The following LAMA4 variants were observed in gnomAD, a reference collection of about 807,000 sequenced individuals.
The protein encoded by LAMA4 is laminin subunit alpha 4.
LAMA4 carries 127 observed loss-of-function variants against 207.1 expected under a neutral mutation model. The observed-to-expected ratio is 0.61, with a 90% CI of 0.53 to 0.71. The LOEUF is 0.71. Among genes scored for constraint, LAMA4 ranks in the 30% least tolerant of loss-of-function variants. The pLI is 0.00. For missense variants in LAMA4, 2,093 were observed against 2,246.5 expected, an observed-to-expected ratio of 0.93 and a Z score of 1.38; for synonymous variants, 761 against 816.0, an observed-to-expected ratio of 0.93 and a Z score of 1.15.
intron 8 of LAMA4, chr6:112,187,195 T>G (rs570125382): frequency 2.3e-5 from 13 of 569,350 alleles, no homozygotes; most frequent in Non-Finnish European, 4.1e-5. Flanking sequence ...TAGATACTAG[T>G]CTTTTAGTCA....
chr6:112,185,362 G>T lies in LAMA4; in HGVS notation c.967-15C>A. ...GACAATTTTGTCTGCAGAAGAATGT[G>T]TTTTGAGAATAGTCAATGGGCACAC... On this transcript the variant is annotated splice_polypyrimidine_tract_variant and intron_variant, in intron 8 of 38. Transcript: ENST00000230538. 2 of 1,479,522 alleles carry T rather than the reference G, an allele frequency of 1.4e-6. No individual in the cohort carries two copies. The highest frequency in any genetic ancestry group is 1.9e-6 in the Non-Finnish European group (2 of 1,057,462). The allele number at this position is 1,479,522 out of a possible 1,614,324, so 91.6% of individuals were successfully genotyped here. A position where few individuals can be genotyped will look rare whatever the true frequency, so the allele number is the denominator to read the frequency against.
chr6:112,155,174 A>G (rs1156712617), intron 15 of LAMA4: 2 of 605,918 alleles, frequency 3.3e-6, no homozygotes, highest in Non-Finnish European at 5.9e-6. Flanking sequence ...AACCTAGAAC[A>G]AAGCCCTGGC....
At chr6:112,247,628 G>A (rs1023854636) in intron 2 of LAMA4, among the ~76,000 whole-genome samples, 16 of 152,120 alleles carry the variant, frequency 1.1e-4, no homozygotes, top group South Asian at 2.1e-4. Context: ...CACAGGATGC[G>A]TTTCTTTACC....
At chr6:112,110,578 G>A (rs1777635829) in intron 38 of LAMA4, among the ~76,000 whole-genome samples, 1 of 152,212 alleles carries the variant, frequency 6.6e-6, no homozygotes. Context: ...AGATTTGGAA[G>A]GGGCCTGAGA....
In LAMA4 at chr6:112,169,906, G is replaced by A. The variant is rs561335508; in HGVS notation, c.1551+2705C>T. 1.9e-4 allele frequency among the ~76,000 whole-genome samples: 29 copies of A among 152,360 alleles called. No homozygotes were observed. The South Asian group carries it at 5.2e-3, about 27-fold the overall frequency. The stretch of plus-strand genomic sequence containing the variant: ...TTGTTACATTTACAAAGTCCACTGT[G>A]TTTTGCACACACCCTGACATTTACC... On this transcript the variant is annotated intron_variant, in intron 12 of 38. Transcript: ENST00000230538.
intron 25 of LAMA4, among the ~76,000 whole-genome samples, chr6:112,135,538 C>G (rs1416520683): frequency 8.5e-5 from 13 of 152,112 alleles, no homozygotes; most frequent in African/African-American, 3.1e-4. Context: ...AGATATTATG[C>G]CTTGTATACA....
chr6:112,211,407 G>C (rs184231637), intron 3 of LAMA4, among the ~76,000 whole-genome samples: 1 of 152,144 alleles, frequency 6.6e-6, no homozygotes, highest in South Asian at 2.1e-4. Flanking sequence ...AGGGTAGCTT[G>C]TTATTTTAGT....
chr6:112,141,157 T>G lies in LAMA4; in HGVS notation c.2813+201A>C, dbSNP rs782773324. Among the ~76,000 whole-genome samples the G allele has an allele frequency of 6.2e-4, 94 of 152,324 alleles. 1 individual carries two copies. Among genetic ancestry groups the G allele is most frequent in the Non-Finnish European group, 1.1e-3 (78 of 68,026 alleles). Reference sequence around the variant, plus strand: ...GATCGTGATTTAGAAATGACTTTTTTTTTTCTTTCCTACTAAGGTGTTTGG... The same window carrying G: ...GATCGTGATTTAGAAATGACTTTTTGTTTTCTTTCCTACTAAGGTGTTTGG... On this transcript the variant is annotated intron_variant, in intron 21 of 38. Coordinates refer to ENST00000230538, the MANE Select transcript of LAMA4 (RefSeq NM_001105206.3).
chr6:112,112,611 A>G (rs1777766300), intron 38 of LAMA4, among the ~76,000 whole-genome samples: 1 of 152,230 alleles, frequency 6.6e-6, no homozygotes, highest in Non-Finnish European at 1.5e-5. Flanking sequence ...AGCTGAAGTC[A>G]GGAACAGGGA....
At chr6:112,253,822 A>G in intron 2 of LAMA4, 134 bp downstream of exon 2, 4 of 1,614,254 alleles carry the variant, frequency 2.5e-6, no homozygotes, top group Non-Finnish European at 3.4e-6. Context: ...AAGTTTCCGA[A>G]CTGACCTAGC....
chr6:112,177,525 T>G (rs1212153179), intron 10 of LAMA4, among the ~76,000 whole-genome samples: 1 of 152,312 alleles, frequency 6.6e-6, no homozygotes, highest in East Asian at 1.9e-4. Context: ...ATTAAAATAG[T>G]CTTCAAGATT....
intron 18 of LAMA4, among the ~76,000 whole-genome samples, chr6:112,147,201 A>G (rs1403167405): frequency 2.6e-5 from 4 of 152,206 alleles, no homozygotes; most frequent in Admixed American, 1.3e-4. Context: ...TCCCGAGGCA[A>G]TATCATTATA....
intron 5 of LAMA4, among the ~76,000 whole-genome samples, chr6:112,195,556 T>C (rs1783365441): frequency 6.6e-6 from 1 of 152,188 alleles, no homozygotes; most frequent in Admixed American, 6.5e-5. Context: ...TTGAAATCAT[T>C]ATGATTATCA....
At chr6:112,146,722 C>T (rs1436784233) in intron 18 of LAMA4, among the ~76,000 whole-genome samples, 1 of 152,168 alleles carries the variant, frequency 6.6e-6, no homozygotes, top group East Asian at 1.9e-4. Flanking sequence ...AAGGAAACAT[C>T]CCTTCTCTGT....
intron 4 of LAMA4, among the ~76,000 whole-genome samples, chr6:112,204,089 G>A (rs1278822607): frequency 6.6e-6 from 1 of 152,090 alleles, no homozygotes; most frequent in Non-Finnish European, 1.5e-5. Context: ...CTAACATACC[G>A]GATACTGTGA....
intron 4 of LAMA4, among the ~76,000 whole-genome samples, chr6:112,203,729 AC>A (rs1465267703): frequency 6.6e-6 from 1 of 152,018 alleles, no homozygotes; most frequent in Admixed American, 6.6e-5. Context: ...GGTCTCTCAC[AC>A]CCTTACCAAT....
Position 112,114,611 on chromosome 6 carries a change from C to A in LAMA4, c.5206+52G>T. On this transcript the variant is annotated intron_variant, in intron 37 of 38. Transcript: ENST00000230538. ...AGTGATAGCCTAAGTTCTGCCAGAT[C>A]ATAATCTTACAGTTGGGTGTGCAGG... 2.5e-6 allele frequency: 3 copies of A among 1,177,648 alleles called. No homozygotes were observed. The South Asian group carries it at 3.6e-5, about 14-fold the overall frequency. 72.9% of individuals were successfully genotyped at this position (1,177,648 alleles called of 1,614,324 possible). A position where few individuals can be genotyped will look rare whatever the true frequency, so the allele number is the denominator to read the frequency against.
chr6:112,150,687 A>G, intron 16 of LAMA4, 60 bp from the exon 17 acceptor site: 1 of 1,176,898 alleles, frequency 8.5e-7, no homozygotes. Flanking sequence ...AAAGGATTCC[A>G]TTTCAACAAG....
intron 13 of LAMA4, among the ~76,000 whole-genome samples, chr6:112,163,395 G>A (rs868986468): frequency 1.3e-5 from 2 of 152,094 alleles, no homozygotes; most frequent in Non-Finnish European, 1.5e-5. Context: ...GGCCTGCAGA[G>A]CCTAAAATAT....
Sources: allele counts gnomAD v4.1 joint callset (sites outside exome capture counted in the v4.1 genomes callset), GRCh38; gene constraint gnomAD v4.1.1; transcripts MANE v1.5; gene names NCBI Gene and HGNC (gene_info 2026-07-23, HGNC 2026-07-21).